The following PRKCA variants were observed in gnomAD, a reference collection of about 807,000 sequenced individuals.
PRKCA encodes the protein protein kinase C alpha.
A neutral mutation model predicts 87.0 loss-of-function variants in PRKCA; 27 were observed. The observed-to-expected ratio is 0.31, with a 90% CI of 0.23 to 0.43. The LOEUF (loss-of-function observed/expected upper bound fraction) is 0.43, where lower values mean the gene tolerates loss of function less well. Ranked by LOEUF, PRKCA falls within the 20% of genes least tolerant of loss-of-function variation. PRKCA has a pLI of 1.00. For synonymous variants in PRKCA, 329 were observed against 311.1 expected, an observed-to-expected ratio of 1.06 and a Z score of -0.61; for missense variants, 518 against 852.3, an observed-to-expected ratio of 0.61 and a Z score of 4.88.
In PRKCA at chr17:66,649,407, T is replaced by C. The variant is rs112211703; in HGVS notation, c.529+3896T>C. Among the ~76,000 whole-genome samples, 3 of 152,358 alleles carry C rather than the reference T, an allele frequency of 2.0e-5. 1 individual carries two copies. The highest frequency in any genetic ancestry group is 7.2e-5 in the African/African-American group (3 of 41,580). ...TATTTATTGTTCATAGGACTGGACCTTTATGCTCAGCATTTTATATTCATT... is the reference window on the plus strand; with the variant it reads ...TATTTATTGTTCATAGGACTGGACCCTTATGCTCAGCATTTTATATTCATT... On this transcript the variant is annotated intron_variant, in intron 5 of 16. Coordinates refer to ENST00000413366, the MANE Select transcript of PRKCA (RefSeq NM_002737.3).
chr17:66,408,779 C>T (rs57461036), intron 2 of PRKCA, among the ~76,000 whole-genome samples: 18,177 of 151,924 alleles, frequency 0.12, 1,454 homozygotes, highest in East Asian at 0.28. Flanking sequence ...GTCGGCCGGG[C>T]GCGGTGGCTT....
At chr17:66,789,249 G>A (rs9904560) in intron 16 of PRKCA, among the ~76,000 whole-genome samples, 19,269 of 152,212 alleles carry the variant, frequency 0.13, 1,666 homozygotes, top group African/African-American at 0.24. Flanking sequence ...ACCCCCGCAC[G>A]ACTAGGGAGT....
chr17:66,459,781 C>A (rs1914762110), intron 2 of PRKCA, among the ~76,000 whole-genome samples: 1 of 152,164 alleles, frequency 6.6e-6, no homozygotes, highest in Non-Finnish European at 1.5e-5. Flanking sequence ...CTTTTTCGTT[C>A]AGTGCGTAAG....
intron 13 of PRKCA, among the ~76,000 whole-genome samples, chr17:66,771,611 T>G (rs926006985): frequency 1.3e-5 from 2 of 152,204 alleles, no homozygotes; most frequent in Non-Finnish European, 2.9e-5. Flanking sequence ...TTATTTTTTT[T>G]GAGACGGAGT....
chr17:66,762,058 T>C (rs1974698112), intron 13 of PRKCA, among the ~76,000 whole-genome samples: 1 of 152,198 alleles, frequency 6.6e-6, no homozygotes, highest in Non-Finnish European at 1.5e-5. Context: ...TTTGATTCAC[T>C]TCTGTAACTG....
At chr17:66,731,087 A>G (rs3889537) in intron 8 of PRKCA, among the ~76,000 whole-genome samples, 71,391 of 151,974 alleles carry the variant, frequency 0.47, 17,567 homozygotes, top group Non-Finnish European at 0.55. Flanking sequence ...GTGGTGGCTC[A>G]TGCCTGTAAT....
chr17:66,706,565 G>C (rs1471609012), intron 8 of PRKCA, among the ~76,000 whole-genome samples: 1 of 151,740 alleles, frequency 6.6e-6, no homozygotes, highest in Non-Finnish European at 1.5e-5. Context: ...ATGAACCCGG[G>C]AGGCGGAGCT....
intron 3 of PRKCA, among the ~76,000 whole-genome samples, chr17:66,526,962 G>A (rs1177965935): frequency 6.6e-6 from 1 of 152,116 alleles, no homozygotes; most frequent in Non-Finnish European, 1.5e-5. Flanking sequence ...ATAGCTTATT[G>A]GGCCACATCC....
chr17:66,437,733 A>AGTG (rs1567828446), intron 2 of PRKCA, among the ~76,000 whole-genome samples: 1 of 3,768 alleles, frequency 2.7e-4, no homozygotes. Context: ...TTTTTTTTTG[A>AGTG]GCGGGGGGTG....
At chr17:66,350,284 G>A (rs1047587476) in intron 2 of PRKCA, among the ~76,000 whole-genome samples, 3 of 152,118 alleles carry the variant, frequency 2.0e-5, no homozygotes, top group South Asian at 2.1e-4. Flanking sequence ...CTCAGGAAAG[G>A]TGTGACCAAA....
intron 3 of PRKCA, among the ~76,000 whole-genome samples, chr17:66,573,559 A>G (rs1406566829): frequency 6.6e-6 from 1 of 152,240 alleles, no homozygotes; most frequent in Non-Finnish European, 1.5e-5. Context: ...CATGCTCATT[A>G]CAGGAAGTTC....
intron 3 of PRKCA, among the ~76,000 whole-genome samples, chr17:66,543,739 G>A (rs1313382914): frequency 6.6e-6 from 1 of 152,128 alleles, no homozygotes; most frequent in Non-Finnish European, 1.5e-5. Context: ...ATCCCAAGAG[G>A]CATCATGAAG....
chr17:66,330,664 G>A (rs539218749), intron 2 of PRKCA, among the ~76,000 whole-genome samples: 24 of 152,256 alleles, frequency 1.6e-4, no homozygotes, highest in African/African-American at 5.5e-4. Context: ...CAAATATTTT[G>A]TTAAGAGGGT....
intron 3 of PRKCA, among the ~76,000 whole-genome samples, chr17:66,545,220 A>G (rs1166575997): frequency 6.6e-6 from 1 of 151,614 alleles, no homozygotes; most frequent in Admixed American, 6.6e-5. Context: ...CGAGGTCAGG[A>G]GATCGAGACC....
At chr17:66,653,948 G>A (rs969730717) in intron 5 of PRKCA, among the ~76,000 whole-genome samples, 3 of 152,346 alleles carry the variant, frequency 2.0e-5, no homozygotes, top group South Asian at 4.1e-4. Flanking sequence ...CCATGGCTTT[G>A]TAGAAGTTTC....
At chr17:66,471,681 C>T (rs1414391457) in intron 2 of PRKCA, among the ~76,000 whole-genome samples, 1 of 143,438 alleles carries the variant, frequency 7.0e-6, no homozygotes, top group East Asian at 2.0e-4. Flanking sequence ...GGATATAAAG[C>T]AACAGTGAAA....
At chr17:66,404,678 T>C (rs1255380540) in intron 2 of PRKCA, among the ~76,000 whole-genome samples, 1 of 148,142 alleles carries the variant, frequency 6.8e-6, no homozygotes, top group South Asian at 2.2e-4. Context: ...CTGAATCTTC[T>C]GCCTTGGCTC....
At chr17:66,346,901 C>A (rs1352554466) in intron 2 of PRKCA, among the ~76,000 whole-genome samples, 1 of 151,930 alleles carries the variant, frequency 6.6e-6, no homozygotes, top group Non-Finnish European at 1.5e-5. Context: ...CGTGGTGGCT[C>A]ACACCTGTAA....
chr17:66,728,026 T>C (rs1487918272), intron 8 of PRKCA, among the ~76,000 whole-genome samples: 4 of 152,130 alleles, frequency 2.6e-5, no homozygotes, highest in Non-Finnish European at 4.4e-5. Context: ...CCCAGACCCC[T>C]GAGGTTGCCG....
Sources: allele counts gnomAD v4.1 joint callset (sites outside exome capture counted in the v4.1 genomes callset), GRCh38; gene constraint gnomAD v4.1.1; transcripts MANE v1.5; gene names NCBI Gene and HGNC (gene_info 2026-07-23, HGNC 2026-07-21).